PIP5K1B: variants seen among roughly 807,000 people sequenced by gnomAD.
PIP5K1B encodes the protein phosphatidylinositol-4-phosphate 5-kinase type 1 beta.
A neutral mutation model predicts 67.0 loss-of-function variants in PIP5K1B; 42 were observed. That is an observed-to-expected ratio of 0.63 (90% CI 0.49 to 0.81). The LOEUF is 0.81. Among genes scored for constraint, PIP5K1B ranks in the 30% least tolerant of loss-of-function variants. PIP5K1B has a pLI of 0.00. For synonymous variants in PIP5K1B, 214 were observed against 231.4 expected (o/e 0.92, Z 0.68); for missense variants, 459 against 646.3 (o/e 0.71, Z 3.14).
intron 2 of PIP5K1B, chr9:68,788,647 A>G (rs1831773617): frequency 4.2e-6 from 1 of 236,310 alleles, no homozygotes; most frequent in Non-Finnish European, 8.3e-6. Context: ...CCCACATCCC[A>G]AAATAGCATC....
intron 2 of PIP5K1B, chr9:68,789,016 G>A (rs1831802889): frequency 7.5e-6 from 3 of 397,724 alleles, no homozygotes; most frequent in Non-Finnish European, 9.7e-6. Flanking sequence ...TGTAAGGTCT[G>A]GCATTCCAAT....
At chr9:68,987,574 T>C (rs935113450) in intron 14 of PIP5K1B, among the ~76,000 whole-genome samples, 1 of 152,064 alleles carries the variant, frequency 6.6e-6, no homozygotes, top group Non-Finnish European at 1.5e-5. Flanking sequence ...AATAAATAAA[T>C]AATAAAACAT....
intron 14 of PIP5K1B, among the ~76,000 whole-genome samples, chr9:68,972,827 G>A (rs910920810): frequency 1.3e-5 from 2 of 151,920 alleles, no homozygotes; most frequent in Non-Finnish European, 2.9e-5. Flanking sequence ...AAAATGTATT[G>A]AACACAAGGG....
intron 15 of PIP5K1B, among the ~76,000 whole-genome samples, chr9:69,003,705 G>A (rs527691953): frequency 8.5e-5 from 13 of 152,286 alleles, no homozygotes; most frequent in African/African-American, 3.1e-4. Flanking sequence ...GCTTGAGAAA[G>A]GCAAGCAGGA....
At chr9:68,850,724 A>C (rs1245802712) in intron 4 of PIP5K1B, among the ~76,000 whole-genome samples, 2 of 152,244 alleles carry the variant, frequency 1.3e-5, no homozygotes, top group African/African-American at 4.8e-5. Context: ...ATTTTGGTTG[A>C]TTCTAGGATG....
chr9:68,794,696 TAA>T (rs34317692), intron 2 of PIP5K1B, among the ~76,000 whole-genome samples: 37,488 of 144,586 alleles, frequency 0.26, 5,235 homozygotes, highest in Middle Eastern at 0.34. Flanking sequence ...TGCTGTAAAT[TAA>T]AAAAAAAAAA....
intron 14 of PIP5K1B, among the ~76,000 whole-genome samples, chr9:68,957,729 AG>A (rs1483030944): frequency 1.3e-5 from 2 of 152,178 alleles, no homozygotes; most frequent in African/African-American, 4.8e-5. Flanking sequence ...TCCTTCCTCC[AG>A]TTATAGGGAG....
chr9:68,912,641 T>A (rs1276334931), intron 8 of PIP5K1B, among the ~76,000 whole-genome samples: 1 of 152,144 alleles, frequency 6.6e-6, no homozygotes, highest in African/African-American at 2.4e-5. Context: ...CAGGTGAGAA[T>A]AGATACCAGA....
At chr9:69,002,339 G>T (rs1830858998) in intron 15 of PIP5K1B, among the ~76,000 whole-genome samples, 1 of 152,182 alleles carries the variant, frequency 6.6e-6, no homozygotes, top group Admixed American at 6.5e-5. Context: ...AAGTACAAAG[G>T]TAGGAAATTT....
At chr9:68,812,779 AT>A (rs1186050685) in intron 2 of PIP5K1B, among the ~76,000 whole-genome samples, 2 of 152,246 alleles carry the variant, frequency 1.3e-5, no homozygotes, top group African/African-American at 4.8e-5. Flanking sequence ...CCTCATTGAG[AT>A]AACCTAAATT....
At chr9:68,715,610 A>C (rs1053929145) in intron 1 of PIP5K1B, among the ~76,000 whole-genome samples, 3 of 152,210 alleles carry the variant, frequency 2.0e-5, no homozygotes, top group African/African-American at 7.2e-5. Context: ...TTATTTGACT[A>C]GTTTCCTCGC....
At chr9:68,784,307 A>G (rs980091126) in intron 2 of PIP5K1B, 1 of 150,534 alleles carries the variant, frequency 6.6e-6, no homozygotes, top group Admixed American at 7.7e-5. Context: ...TAAAGTCAAT[A>G]GCAACATTTA....
intron 8 of PIP5K1B, 72 bp from the exon 9 acceptor site, chr9:68,917,476 T>A (rs567672842): frequency 5.9e-5 from 61 of 1,042,606 alleles, no homozygotes; most frequent in Non-Finnish European, 8.1e-5. Context: ...TATCTAGAGC[T>A]CTCTGATAAT....
rs1047933389 is a variant in PIP5K1B at position 68,809,958 on chromosome 9, G to T, written c.-85-8503G>T. Among the ~76,000 whole-genome samples the T allele has an allele frequency of 2.0e-5, 3 of 152,160 alleles. No individual in the cohort carries two copies. In the East Asian group the frequency reaches 5.8e-4, roughly 29 times the overall value. Reference sequence around the variant, plus strand: ...CCGGGCCTAGCTTACTGCCTGACATGTTATGCTCCATAAATGTTCATTGAA... The same window carrying T: ...CCGGGCCTAGCTTACTGCCTGACATTTTATGCTCCATAAATGTTCATTGAA... On this transcript the variant is annotated intron_variant, in intron 2 of 15. Transcript: ENST00000265382.
At chr9:68,843,751 A>T (rs1011118518) in intron 4 of PIP5K1B, among the ~76,000 whole-genome samples, 1 of 152,234 alleles carries the variant, frequency 6.6e-6, no homozygotes, top group Non-Finnish European at 1.5e-5. Context: ...ACGAGACTGT[A>T]GAAAATTCCC....
chr9:68,720,406 C>G (rs903751813), intron 1 of PIP5K1B, among the ~76,000 whole-genome samples: 2 of 152,178 alleles, frequency 1.3e-5, no homozygotes, highest in African/African-American at 4.8e-5. Flanking sequence ...CCAACTCTTA[C>G]CTCTTTGAAC....
At chr9:68,809,783 A>G (rs905426276) in intron 2 of PIP5K1B, among the ~76,000 whole-genome samples, 13 of 152,298 alleles carry the variant, frequency 8.5e-5, no homozygotes, top group Middle Eastern at 3.4e-3. Flanking sequence ...GAAGCTTTCC[A>G]TGAGCCCCAC....
intron 8 of PIP5K1B, among the ~76,000 whole-genome samples, chr9:68,909,775 G>T (rs555341862): frequency 6.6e-6 from 1 of 152,282 alleles, no homozygotes; most frequent in South Asian, 2.1e-4. Context: ...TCATCAGGAG[G>T]CACATCATGT....
At chr9:68,884,756 A>G (rs955994642) in intron 6 of PIP5K1B, among the ~76,000 whole-genome samples, 2 of 152,206 alleles carry the variant, frequency 1.3e-5, no homozygotes, top group African/African-American at 4.8e-5. Flanking sequence ...CCACAATGAA[A>G]TATCACCTCA....
Sources: gnomAD v4.1 joint callset for allele counts (sites outside exome capture counted in the v4.1 genomes callset) on GRCh38, gnomAD v4.1.1 for gene constraint, MANE v1.5 for transcripts, NCBI Gene and HGNC (gene_info 2026-07-23, HGNC 2026-07-21) for gene names.